GUCY1B1: variants seen among roughly 807,000 people sequenced by gnomAD.
The protein encoded by GUCY1B1 is guanylate cyclase soluble subunit beta-1.
In GUCY1B1, 43 loss-of-function variants were observed where a neutral mutation model predicts 71.0. The observed-to-expected ratio is 0.61, with a 90% CI of 0.47 to 0.78. The LOEUF (loss-of-function observed/expected upper bound fraction) is 0.78. Among genes scored for constraint, GUCY1B1 ranks in the 30% least tolerant of loss-of-function variants. GUCY1B1 has a pLI of 0.00. For missense variants in GUCY1B1, 535 were observed against 754.1 expected, an observed-to-expected ratio of 0.71 and a Z score of 3.40; for synonymous variants, 266 against 259.7, an observed-to-expected ratio of 1.02 and a Z score of -0.23.
chr4:155,805,177 A>G lies in GUCY1B1; in HGVS notation c.1784A>G (p.Lys595Arg), dbSNP rs2111185534. 6.2e-7 allele frequency: 1 copy of G among 1,612,146 alleles called. No homozygotes were observed. The highest frequency in any genetic ancestry group is 2.2e-5 in the East Asian group (1 of 44,822). Residue 595 changes from lysine (K) to arginine (R), a missense_variant, in exon 13 of 14, where the codon AAA becomes AGA. Transcript: ENST00000264424. ...EHRGPVSMKG[K>R]KEPMQVWFLS... ...AGAGGCCCAGTGTCCATGAAGGGCA[A>G]AAAAGAACCAATGCAAGTTTGGTTT...
chr4:155,796,297 T>G, intron 7 of GUCY1B1, 80 bp from the exon 8 acceptor site: 222 of 1,258,262 alleles, frequency 1.8e-4, no homozygotes, highest in Non-Finnish European at 2.1e-4. Context: ...TGGTGGGAAA[T>G]GAGATATGCG....
intron 4 of GUCY1B1, among the ~76,000 whole-genome samples, chr4:155,786,323 G>A (rs1738766404): frequency 7.0e-6 from 1 of 143,594 alleles, no homozygotes; most frequent in Non-Finnish European, 1.5e-5. Context: ...GCCCAGGCTG[G>A]AGTGCAGTGG....
intron 4 of GUCY1B1, among the ~76,000 whole-genome samples, chr4:155,788,560 T>C (rs1363447506): frequency 6.6e-6 from 1 of 152,228 alleles, no homozygotes; most frequent in Admixed American, 6.5e-5. Flanking sequence ...TCATCACATC[T>C]GCAAAATCCC....
rs1320928311 is a variant in GUCY1B1, at chr4:155,802,497, T to C, written c.1331T>C (p.Met444Thr). ...AAGCATGCATCTGGAGAAGGAGCCA[T>C]GAAGATCGTCAACCTCCTCAACGAC... Reference protein sequence around the residue: ...CSKHASGEGAMKIVNLLNDLY... With the variant: ...CSKHASGEGATKIVNLLNDLY... The change falls in exon 10 of 14, where the codon ATG becomes ACG. Residue 444 changes from methionine (M) to threonine (T), a missense_variant. Transcript: ENST00000264424. The surrounding 1 kb of genome is among the most constrained non-coding windows in gnomAD (Gnocchi z 4.3). The C allele has an allele frequency of 6.2e-7, 1 of 1,613,554 alleles. No individual in the cohort carries two copies. The highest frequency in any genetic ancestry group is 8.5e-7 in the Non-Finnish European group (1 of 1,179,710).
intron 2 of GUCY1B1, among the ~76,000 whole-genome samples, chr4:155,773,657 AC>A (rs1737839315): frequency 6.6e-6 from 1 of 152,178 alleles, no homozygotes; most frequent in South Asian, 2.1e-4. Context: ...AGTTGCTTAG[AC>A]CAAAAACCTC....
rs1424330867 is a variant in GUCY1B1 at position 155,766,896 on chromosome 4, G to A, written c.77+7036G>A. ...TGTCATGCTATTTCGAATGTAATAT[G>A]TCACGTATATTAAACACATACCATA... On this transcript the variant is annotated intron_variant, in intron 2 of 13. Transcript: ENST00000264424. Among the ~76,000 whole-genome samples, 4 of 152,236 alleles carry A rather than the reference G, an allele frequency of 2.6e-5. No individual in the cohort carries two copies. The East Asian group carries it at 7.7e-4, about 29-fold the overall frequency.
Position 155,799,970 on chromosome 4 carries a change from A to G in GUCY1B1, c.1071A>G (p.Glu357=). 6.2e-7 allele frequency: 1 copy of G among 1,613,504 alleles called. No individual in the cohort carries two copies. Among genetic ancestry groups the G allele is most frequent in the Non-Finnish European group, 8.5e-7 (1 of 1,179,468 alleles). Residue 357 remains glutamate (E), a synonymous_variant, in exon 9 of 14, where the codon GAA becomes GAG. Transcript: ENST00000264424. ...CGCGCGATCTTGTTCTTTTGGGAGA[A>G]CAATTTAGAGAGGAATACAAACTCA... ...DATRDLVLLG[E]QFREEYKLTQ...
At position 155,760,254 on chromosome 4, in the gene GUCY1B1, G is replaced by A. The variant is rs546700627; in HGVS notation, c.77+394G>A. On this transcript the variant is annotated intron_variant, in intron 2 of 13. Coordinates refer to ENST00000264424, the MANE Select transcript of GUCY1B1 (RefSeq NM_000857.5). ...CGCCCGGAGGCCTTAGAAACAAACGGAAGACTTTGGCTCCTTTATGATTTA... is the reference window on the plus strand; with the variant it reads ...CGCCCGGAGGCCTTAGAAACAAACGAAAGACTTTGGCTCCTTTATGATTTA... Among the ~76,000 whole-genome samples the A allele has an allele frequency of 2.4e-3, 371 of 152,306 alleles. 3 individuals are homozygous for A. The highest frequency in any genetic ancestry group is 0.014 in the Middle Eastern group (4 of 294).
chr4:155,759,233 C>T, intron 1 of GUCY1B1, 90 bp downstream of exon 1: 1 of 1,324,072 alleles, frequency 7.6e-7, no homozygotes, highest in Admixed American at 2.1e-5. Context: ...CGGAGCTTGG[C>T]TCGGGGGCCC....
intron 2 of GUCY1B1, among the ~76,000 whole-genome samples, chr4:155,767,935 A>G (rs1298551274): frequency 6.6e-6 from 1 of 152,164 alleles, no homozygotes; most frequent in Non-Finnish European, 1.5e-5. Flanking sequence ...TATGGTACCA[A>G]TTCAGCTCAC....
intron 8 of GUCY1B1, among the ~76,000 whole-genome samples, chr4:155,799,386 G>A (rs562734179): frequency 2.8e-4 from 42 of 152,260 alleles, no homozygotes; most frequent in African/African-American, 8.2e-4. Context: ...GGTCATAAAC[G>A]TGGTTGGGAA....
chr4:155,774,412 T>A (rs575385443), intron 2 of GUCY1B1, among the ~76,000 whole-genome samples: 1 of 152,310 alleles, frequency 6.6e-6, no homozygotes, highest in Non-Finnish European at 1.5e-5. Flanking sequence ...AATGCCAGCT[T>A]CTCAGTGAGG....
At chr4:155,780,871 G>C (rs952476290) in intron 4 of GUCY1B1, among the ~76,000 whole-genome samples, 6 of 152,146 alleles carry the variant, frequency 3.9e-5, no homozygotes, top group African/African-American at 1.2e-4. Context: ...GCTTGTATCT[G>C]TTGACACTTT....
At chr4:155,794,293 T>A (rs1739390376) in intron 6 of GUCY1B1, among the ~76,000 whole-genome samples, 1 of 152,138 alleles carries the variant, frequency 6.6e-6, no homozygotes, top group South Asian at 2.1e-4. Context: ...TTTATAATAA[T>A]CACATACAGA....
chr4:155,776,151 C>T (rs1738028204), intron 3 of GUCY1B1, among the ~76,000 whole-genome samples: 1 of 152,078 alleles, frequency 6.6e-6, no homozygotes, highest in African/African-American at 2.4e-5. Flanking sequence ...AAATCACATA[C>T]ATTTTAAATG....
chr4:155,768,407 T>C (rs976909393), intron 2 of GUCY1B1, among the ~76,000 whole-genome samples: 2 of 151,770 alleles, frequency 1.3e-5, no homozygotes, highest in African/African-American at 4.8e-5. Flanking sequence ...TATTCTTTAG[T>C]TTGAAAGCAA....
rs566083182 is a variant in GUCY1B1, at chr4:155,802,022, C to T, written c.1176-320C>T. ...CTATCGTAATAGCAGGGTCAGAATA[C>T]AGGACTACAAATGAAAACTTTGATT... On this transcript the variant is annotated intron_variant, in intron 9 of 13. Coordinates refer to ENST00000264424, the MANE Select transcript of GUCY1B1 (RefSeq NM_000857.5). The surrounding 1 kb of genome is among the most constrained non-coding windows in gnomAD (Gnocchi z 4.3). 2.0e-5 allele frequency among the ~76,000 whole-genome samples: 3 copies of T among 152,252 alleles called. No homozygotes were observed. The highest frequency in any genetic ancestry group is 7.2e-5 in the African/African-American group (3 of 41,554).
intron 1 of GUCY1B1, 65 bp from the exon 2 acceptor site, chr4:155,759,722 C>T: frequency 8.5e-7 from 1 of 1,178,694 alleles, no homozygotes; most frequent in Non-Finnish European, 1.3e-6. Context: ...GCAGCAGCCT[C>T]GCCCCCAAGC....
chr4:155,760,273 T>A (rs1462157959), intron 2 of GUCY1B1, among the ~76,000 whole-genome samples: 1 of 152,210 alleles, frequency 6.6e-6, no homozygotes, highest in Non-Finnish European at 1.5e-5. Context: ...GGCTCCTTTA[T>A]GATTTACACA....
Sources: gnomAD v4.1 joint callset for allele counts (sites outside exome capture counted in the v4.1 genomes callset) on GRCh38, gnomAD v4.1.1 for gene constraint, Gnocchi (gnomAD v3.1) non-coding constraint, MANE v1.5 for transcripts, NCBI Gene and HGNC (gene_info 2026-07-23, HGNC 2026-07-21) for gene names.